Variants in NBEAL1 observed in about 807,000 individuals in gnomAD.
The protein encoded by NBEAL1 is neurobeachin-like protein 1.
Under a neutral mutation model 351.3 loss-of-function variants are expected in NBEAL1, and 273 were observed. That is an observed-to-expected ratio of 0.78 (90% CI 0.70 to 0.86). The LOEUF is 0.86. Ranked by LOEUF, NBEAL1 falls within the 40% of genes least tolerant of loss-of-function variation. NBEAL1 has a pLI of 0.00. For synonymous variants in NBEAL1, 1,050 were observed against 1,086.4 expected, an observed-to-expected ratio of 0.97 and a Z score of 0.66; for missense variants, 2,961 against 3,201.3, an observed-to-expected ratio of 0.92 and a Z score of 1.81.
At chr2:203,042,648 C>A (rs1313144413) in intron 3 of NBEAL1, among the ~76,000 whole-genome samples, 1 of 150,660 alleles carries the variant, frequency 6.6e-6, no homozygotes, top group Non-Finnish European at 1.5e-5. Flanking sequence ...TGTGCAGTGG[C>A]ACGATCTTGG....
At chr2:203,058,349 TAA>T (rs2061440439) in intron 6 of NBEAL1, among the ~76,000 whole-genome samples, 1 of 152,120 alleles carries the variant, frequency 6.6e-6, no homozygotes, top group South Asian at 2.1e-4. Flanking sequence ...CTTGGTATTT[TAA>T]AAGAGAGGAT....
At chr2:203,056,340 T>A in intron 4 of NBEAL1, 87 bp from the exon 5 acceptor site, 1 of 736,810 alleles carries the variant, frequency 1.4e-6, no homozygotes, top group Non-Finnish European at 2.4e-6. Flanking sequence ...TTTGCCAGCA[T>A]GTGTTCTCAT....
At chr2:203,075,481 A>G (rs979826666) in intron 7 of NBEAL1, among the ~76,000 whole-genome samples, 6 of 152,216 alleles carry the variant, frequency 3.9e-5, no homozygotes, top group African/African-American at 1.4e-4. Context: ...GTGTAAAATC[A>G]GAGAATTACT....
chr2:203,111,845 C>A, intron 15 of NBEAL1, 134 bp from the exon 16 acceptor site: 1 of 1,015,898 alleles, frequency 9.8e-7, no homozygotes, highest in African/African-American at 1.6e-5. Context: ...ACTTTGAGAA[C>A]ATCAATTTAA....
At chr2:203,207,272 C>T (rs1384063545) in intron 51 of NBEAL1, among the ~76,000 whole-genome samples, 24 of 151,524 alleles carry the variant, frequency 1.6e-4, no homozygotes, top group African/African-American at 5.6e-4. Flanking sequence ...GCAGCCACCC[C>T]GTCCAGGAGG....
chr2:203,118,332 CT>C (rs1382604141), intron 18 of NBEAL1, among the ~76,000 whole-genome samples: 1 of 152,086 alleles, frequency 6.6e-6, no homozygotes, highest in East Asian at 1.9e-4. Flanking sequence ...TTTGTATAGC[CT>C]TTTAGAAATG....
Position 203,180,574 on chromosome 2 carries a change from C to T in NBEAL1, c.6595+62C>T, listed in dbSNP as rs1028306378. The T allele has an allele frequency of 4.2e-6, 6 of 1,441,662 alleles. No individual in the cohort carries two copies. In the African/African-American group the frequency reaches 8.6e-5, roughly 21 times the overall value. 89.3% of individuals were successfully genotyped at this position (1,441,662 alleles called of 1,614,324 possible). A position where few individuals can be genotyped will look rare whatever the true frequency, so the allele number is the denominator to read the frequency against. On this transcript the variant is annotated intron_variant, in intron 43 of 55. Transcript: ENST00000683969. The stretch of plus-strand genomic sequence containing the variant: ...CCCAATGGAGGAGCCTCAAAAATGT[C>T]TTTCAGGACATTTTTGTAATATCCT...
In NBEAL1 at chr2:203,126,901, C is replaced by A; in HGVS notation, c.3223C>A (p.Leu1075Ile). The change falls in exon 23 of 56, where the codon CTA (leucine) becomes ATA (isoleucine). Residue 1075 changes from leucine (L) to isoleucine (I), a missense_variant. Leu to Ile is a conservative substitution (Grantham distance 5). Coordinates refer to ENST00000683969, the MANE Select transcript of NBEAL1 (RefSeq NM_001378026.1). ...AAAGAAGTATGGTGTGCAGTTTCTC[C>A]TAGATACACTTAGGATTTATTATGG... ...FRKKYGVQFL[L>I]DTLRIYYGNG... The A allele has an allele frequency of 6.4e-7, 1 of 1,551,140 alleles. No individual in the cohort carries two copies. Among genetic ancestry groups the A allele is most frequent in the Non-Finnish European group, 8.7e-7 (1 of 1,145,966 alleles).
At chr2:203,120,749 A>G (rs535480069) in intron 18 of NBEAL1, among the ~76,000 whole-genome samples, 1 of 152,296 alleles carries the variant, frequency 6.6e-6, no homozygotes. Context: ...TGAAAGTTGG[A>G]TTGGAGGAAT....
intron 36 of NBEAL1, among the ~76,000 whole-genome samples, chr2:203,164,390 A>G (rs1233259866): frequency 6.6e-6 from 1 of 151,866 alleles, no homozygotes; most frequent in Admixed American, 6.6e-5. Context: ...GGGCAGTTAT[A>G]TAGGGAACTA....
chr2:203,115,208 G>T, intron 17 of NBEAL1, among the ~76,000 whole-genome samples: 1 of 149,966 alleles, frequency 6.7e-6, no homozygotes, highest in Middle Eastern at 3.2e-3. Context: ...GCTCACTGCA[G>T]CCTCTGCCTC....
intron 10 of NBEAL1, among the ~76,000 whole-genome samples, chr2:203,088,254 T>G (rs904775802): frequency 3.0e-4 from 45 of 152,344 alleles, no homozygotes; most frequent in Admixed American, 7.8e-4. Flanking sequence ...AAATTAGGAT[T>G]CATTACAATT....
chr2:203,076,495 A>C (rs543058846), intron 7 of NBEAL1, among the ~76,000 whole-genome samples: 79 of 64,466 alleles, frequency 1.2e-3, no homozygotes, highest in East Asian at 7.5e-3. Context: ...ACAAACAAAC[A>C]AAAAAAAAAG....
chr2:203,175,251 C>A lies in NBEAL1; in HGVS notation c.6428C>A (p.Pro2143Gln), dbSNP rs372557211. ...GVMHYLIRVE[P>Q]FTTLHIQLQS... ...ATGCACTATCTCATTCGTGTAGAAC[C>A]GTTCACCACCCTCCACATCCAACTT... Residue 2143 changes from proline to glutamine, a missense_variant, in exon 42 of 56, where the codon CCG (proline) becomes CAG (glutamine). Coordinates refer to ENST00000683969, the MANE Select transcript of NBEAL1 (RefSeq NM_001378026.1). The A allele has an allele frequency of 6.2e-7, 1 of 1,613,456 alleles. No individual in the cohort carries two copies. The highest frequency in any genetic ancestry group is 8.5e-7 in the Non-Finnish European group (1 of 1,179,738).
At chr2:203,109,593 G>A (rs1020788000) in intron 14 of NBEAL1, among the ~76,000 whole-genome samples, 43 of 151,826 alleles carry the variant, frequency 2.8e-4, no homozygotes, top group East Asian at 1.8e-3. Context: ...GATCTCAGCC[G>A]ACTGCAACCT....
At chr2:203,186,157 T>C (rs1296018801) in intron 44 of NBEAL1, among the ~76,000 whole-genome samples, 1 of 152,234 alleles carries the variant, frequency 6.6e-6, no homozygotes, top group Non-Finnish European at 1.5e-5. Context: ...AACAAATGGA[T>C]GTGGCTGTGT....
rs1451019710 is a variant in NBEAL1 at position 203,136,783 on chromosome 2, T to G, written c.4565+9T>G. 1 of 1,608,798 alleles carries G rather than the reference T, an allele frequency of 6.2e-7. No homozygotes were observed. Among genetic ancestry groups the G allele is most frequent in the Non-Finnish European group, 8.5e-7 (1 of 1,177,088 alleles). ...GATGAAATAAAACTAACGTAAGCAT[T>G]TAGTTAGTGATTTTCCATCCTCCTT... is the stretch of plus-strand genomic sequence containing the variant. On this transcript the variant is annotated intron_variant, in intron 29 of 55. Coordinates refer to ENST00000683969, the MANE Select transcript of NBEAL1 (RefSeq NM_001378026.1).
At position 203,130,610 on chromosome 2, in the gene NBEAL1, T is replaced by C. The variant is rs2063051330; in HGVS notation, c.3564+134T>C. On this transcript the variant is annotated intron_variant, in intron 25 of 55. Coordinates refer to ENST00000683969, the MANE Select transcript of NBEAL1 (RefSeq NM_001378026.1). Reference sequence around the variant, plus strand: ...CTAAGATGTTCAACTTATTTTTATATATAGTTTTCATGTTTCAGTTGTTTG... The same window carrying C: ...CTAAGATGTTCAACTTATTTTTATACATAGTTTTCATGTTTCAGTTGTTTG... 7.2e-6 allele frequency: 4 copies of C among 554,772 alleles called. No individual in the cohort carries two copies. The East Asian group carries it at 1.4e-4, about 20-fold the overall frequency. The allele number at this position is 554,772 out of a possible 1,614,324, so 34.4% of individuals were successfully genotyped here.
At position 203,157,819 on chromosome 2, in the gene NBEAL1, TA is replaced by T. The variant is rs2063836473; in HGVS notation, c.5711del (p.Asn1904MetfsTer16). 2 of 1,535,154 alleles carry T rather than the reference TA, an allele frequency of 1.3e-6. No individual in the cohort carries two copies. The highest frequency in any genetic ancestry group is 1.7e-6 in the Non-Finnish European group (2 of 1,146,594). On this transcript the variant is annotated frameshift_variant, in exon 36 of 56. Coordinates refer to ENST00000683969, the MANE Select transcript of NBEAL1 (RefSeq NM_001378026.1). LOFTEE classifies it high-confidence loss of function. ...DLPEEDITARVNVDEKEEQDQ... is the reference protein window; with the variant it reads ...DLPEEDITARXNVDEKEEQDQ... Reference sequence around the variant, plus strand: ...CCTGAAGAGGATATAACAGCTAGAGTAAATGTGTATGTATAAATATTTAAAA... The same window carrying T: ...CCTGAAGAGGATATAACAGCTAGAGTAATGTGTATGTATAAATATTTAAAA...
Sources: allele counts gnomAD v4.1 joint callset (sites outside exome capture counted in the v4.1 genomes callset), GRCh38; gene constraint gnomAD v4.1.1; transcripts MANE v1.5; gene names NCBI Gene and HGNC (gene_info 2026-07-23, HGNC 2026-07-21).